Variants in TPD52L1 observed in about 807,000 individuals in gnomAD.
TPD52L1 encodes tumor protein D53.
A neutral mutation model predicts 28.7 loss-of-function variants in TPD52L1; 18 were observed. The observed-to-expected ratio is 0.63, with a 90% CI of 0.43 to 0.93. TPD52L1 has a LOEUF of 0.93. Among genes scored for constraint, TPD52L1 ranks in the 40% least tolerant of loss-of-function variants. TPD52L1 has a pLI of 0.00. For missense variants in TPD52L1, 203 were observed against 254.8 expected (o/e 0.80, Z 1.39); for synonymous variants, 75 against 88.8 (o/e 0.84, Z 0.88).
At chr6:125,161,356 A>G (rs1467865925) in intron 1 of TPD52L1, among the ~76,000 whole-genome samples, 1 of 152,142 alleles carries the variant, frequency 6.6e-6, no homozygotes, top group African/African-American at 2.4e-5. Flanking sequence ...CAATTAGTCT[A>G]TTTCACTTTC....
chr6:125,235,095 A>AAATAATAATAAT (rs1475867858), intron 3 of TPD52L1, among the ~76,000 whole-genome samples: 10 of 64,912 alleles, frequency 1.5e-4, no homozygotes, highest in South Asian at 6.0e-4. Context: ...CCCTGTCTAC[A>AAATAATAATAAT]AATAACAATA....
chr6:125,239,049 T>C (rs1458009516), intron 3 of TPD52L1, among the ~76,000 whole-genome samples: 1 of 152,252 alleles, frequency 6.6e-6, no homozygotes, highest in Non-Finnish European at 1.5e-5. Flanking sequence ...TTAAGGACTC[T>C]TCATACTGTT....
chr6:125,193,802 A>C (rs1232982399), intron 1 of TPD52L1, among the ~76,000 whole-genome samples: 1 of 152,120 alleles, frequency 6.6e-6, no homozygotes, highest in Non-Finnish European at 1.5e-5. Context: ...TTATACATTC[A>C]TTATGCAACT....
chr6:125,244,910 G>A (rs1322000227), intron 3 of TPD52L1, among the ~76,000 whole-genome samples: 1 of 152,144 alleles, frequency 6.6e-6, no homozygotes, highest in East Asian at 1.9e-4. Context: ...TGTACCATAG[G>A]GTGATCCTTT....
At chr6:125,170,402 T>A (rs567967206) in intron 1 of TPD52L1, among the ~76,000 whole-genome samples, 2 of 133,338 alleles carry the variant, frequency 1.5e-5, no homozygotes, top group African/African-American at 6.1e-5. Flanking sequence ...AAAATAGAAA[T>A]TTTTCTCTTA....
Position 125,263,022 on chromosome 6 carries a change from TG to T in TPD52L1, c.*61del. ...CCACTACCCAGCCCATCTCTGCCTG[TG>T]CTTATCCAGATAAGAAGACCAAAAT... On this transcript the variant is annotated 3_prime_UTR_variant, in exon 7 of 7. Transcript: ENST00000534000. 2 of 1,528,426 alleles carry T rather than the reference TG, an allele frequency of 1.3e-6. No homozygotes were observed. Among genetic ancestry groups the T allele is most frequent in the Non-Finnish European group, 1.8e-6 (2 of 1,139,348 alleles). The allele number at this position is 1,528,426 out of a possible 1,614,324, so 94.7% of individuals were successfully genotyped here.
chr6:125,199,141 G>A (rs1793631550), intron 1 of TPD52L1, among the ~76,000 whole-genome samples: 1 of 152,188 alleles, frequency 6.6e-6, no homozygotes, highest in Admixed American at 6.5e-5. Flanking sequence ...TGATTCTCAA[G>A]AGAAAGTAAA....
intron 1 of TPD52L1, among the ~76,000 whole-genome samples, chr6:125,177,873 T>C (rs891166901): frequency 6.6e-6 from 1 of 152,190 alleles, no homozygotes; most frequent in Non-Finnish European, 1.5e-5. Context: ...CTCAATTTCA[T>C]ATTTAAGCAC....
intron 1 of TPD52L1, among the ~76,000 whole-genome samples, chr6:125,201,736 T>C (rs763903582): frequency 1.4e-4 from 22 of 152,232 alleles, no homozygotes; most frequent in Non-Finnish European, 2.5e-4. Flanking sequence ...TGTCTTTTCA[T>C]ATTTCATCTC....
intron 1 of TPD52L1, chr6:125,208,916 A>C: frequency 1.0e-6 from 1 of 985,434 alleles, no homozygotes; most frequent in Non-Finnish European, 1.2e-6. Flanking sequence ...GGAATAAGCC[A>C]GCAGGCCCAA....
At chr6:125,240,317 G>A (rs1796544791) in intron 3 of TPD52L1, among the ~76,000 whole-genome samples, 1 of 151,890 alleles carries the variant, frequency 6.6e-6, no homozygotes, top group South Asian at 2.1e-4. Flanking sequence ...GCTTTTTTGG[G>A]GGTTCCATGT....
At chr6:125,254,574 C>G (rs930551726) in intron 5 of TPD52L1, among the ~76,000 whole-genome samples, 6 of 151,928 alleles carry the variant, frequency 3.9e-5, no homozygotes, top group South Asian at 2.1e-4. Flanking sequence ...GGATCTTCCC[C>G]CACTTCAGTC....
rs75074292 is a variant in TPD52L1 at position 125,192,446 on chromosome 6, T to C, written c.20-27632T>C. Among the ~76,000 whole-genome samples, 259 of 152,156 alleles carry C rather than the reference T, an allele frequency of 1.7e-3. 5 individuals are homozygous for C. In the East Asian group the frequency reaches 0.045, roughly 26 times the overall value. On this transcript the variant is annotated intron_variant, in intron 1 of 6. Coordinates refer to ENST00000534000, the MANE Select transcript of TPD52L1 (RefSeq NM_003287.4). Reference sequence around the variant, plus strand: ...CAGCTGTGATGTGACTCATTCATACTATGTTCTTTTAATGGAGAAAAACCT... The same window carrying C: ...CAGCTGTGATGTGACTCATTCATACCATGTTCTTTTAATGGAGAAAAACCT...
chr6:125,205,163 CT>C (rs2114911898), intron 1 of TPD52L1, among the ~76,000 whole-genome samples: 1 of 152,308 alleles, frequency 6.6e-6, no homozygotes, highest in East Asian at 1.9e-4. Context: ...TCCCAAGAGG[CT>C]AATCACCATT....
rs921037814 is a variant in TPD52L1, at chr6:125,160,663, C to T, written c.19+6693C>T. 2.6e-5 allele frequency among the ~76,000 whole-genome samples: 4 copies of T among 152,318 alleles called. No homozygotes were observed. The South Asian group carries it at 6.2e-4, about 24-fold the overall frequency. On this transcript the variant is annotated intron_variant, in intron 1 of 6. Coordinates refer to ENST00000534000, the MANE Select transcript of TPD52L1 (RefSeq NM_003287.4). Reference sequence around the variant, plus strand: ...GTTTTGAAGCCAAGCATCGACTCCTCCTCTCTAGCTATAAAAGTCCTAGCT... The same window carrying T: ...GTTTTGAAGCCAAGCATCGACTCCTTCTCTCTAGCTATAAAAGTCCTAGCT...
At chr6:125,217,081 G>A (rs985721361) in intron 1 of TPD52L1, among the ~76,000 whole-genome samples, 1 of 152,114 alleles carries the variant, frequency 6.6e-6, no homozygotes, top group Non-Finnish European at 1.5e-5. Context: ...TAAAGGTAAA[G>A]TGGAGAAAAT....
In TPD52L1 at chr6:125,234,168, A is replaced by G. The variant is rs151263791; in HGVS notation, c.284+4902A>G. Among the ~76,000 whole-genome samples the G allele has an allele frequency of 4.8e-3, 732 of 152,364 alleles. 4 individuals are homozygous for G. The highest frequency in any genetic ancestry group is 0.017 in the African/African-American group (688 of 41,582). On this transcript the variant is annotated intron_variant, in intron 3 of 6. Coordinates refer to ENST00000534000, the MANE Select transcript of TPD52L1 (RefSeq NM_003287.4). ...ATTAGCTGCCATTGCTTTAAAAAAC[A>G]TTAGCTGCTATTGCCATTGCTGCCA...
chr6:125,245,723 C>A lies in TPD52L1; in HGVS notation c.285-2559C>A, dbSNP rs547664475. Among the ~76,000 whole-genome samples, 6 of 152,280 alleles carry A rather than the reference C, an allele frequency of 3.9e-5. No individual in the cohort carries two copies. The East Asian group carries it at 1.2e-3, about 29-fold the overall frequency. ...CCTGGTAGCAAAAGGCCCCACCCAG[C>A]TCCCACGCAGTTGGCGAGGCCAGTC... On this transcript the variant is annotated intron_variant, in intron 3 of 6. Coordinates refer to ENST00000534000, the MANE Select transcript of TPD52L1 (RefSeq NM_003287.4).
chr6:125,223,446 C>T (rs1004899804), intron 2 of TPD52L1, among the ~76,000 whole-genome samples: 10 of 152,210 alleles, frequency 6.6e-5, no homozygotes, highest in South Asian at 4.1e-4. Context: ...TGGTGGCTCA[C>T]GCCTGTAATC....
Sources: allele counts gnomAD v4.1 joint callset (sites outside exome capture counted in the v4.1 genomes callset), GRCh38; gene constraint gnomAD v4.1.1; transcripts MANE v1.5; gene names NCBI Gene and HGNC (gene_info 2026-07-23, HGNC 2026-07-21).